GALC: variants seen among roughly 807,000 people sequenced by gnomAD.
The protein encoded by GALC is galactocerebrosidase.
A neutral mutation model predicts 91.8 loss-of-function variants in GALC; 77 were observed. That is an observed-to-expected ratio of 0.84 (90% CI 0.70 to 1.01). The LOEUF (loss-of-function observed/expected upper bound fraction) is 1.01. Among genes scored for constraint, GALC ranks in the 50% least tolerant of loss-of-function variants. The probability of loss-of-function intolerance (pLI) is 0.00; values close to 1 mark genes in which losing one functional copy is unlikely to be tolerated. For synonymous variants in GALC, 357 were observed against 306.7 expected (o/e 1.16, Z -1.71); for missense variants, 882 against 855.9 (o/e 1.03, Z -0.38).
At chr14:87,957,877 T>A (rs928520863) in intron 10 of GALC, among the ~76,000 whole-genome samples, 2 of 152,004 alleles carry the variant, frequency 1.3e-5, no homozygotes, top group Non-Finnish European at 2.9e-5. Context: ...CACATGGAAA[T>A]ACATCCCATG....
chr14:87,953,408 A>C (rs1885391322), intron 10 of GALC: 1 of 1,460,218 alleles, frequency 6.8e-7, no homozygotes, highest in South Asian at 1.1e-5. Flanking sequence ...GGACAAAACC[A>C]AGCATATTCT....
Position 87,993,177 on chromosome 14 carries a change from A to C in GALC, c.-13T>G. The C allele has an allele frequency of 6.3e-7, 1 of 1,581,752 alleles. No homozygotes were observed. Among genetic ancestry groups the C allele is most frequent in the African/African-American group, 1.3e-5 (1 of 74,632 alleles). Reference sequence around the variant, plus strand: ...GCCACTCAGCCATTGTGTGGGTCACATGACTCCGGCGCCCAGGGAGGCGGG... The same window carrying C: ...GCCACTCAGCCATTGTGTGGGTCACCTGACTCCGGCGCCCAGGGAGGCGGG... On this transcript the variant is annotated 5_prime_UTR_variant, in exon 1 of 17. An upstream start codon of the reference 5' UTR is lost. Coordinates refer to ENST00000261304, the MANE Select transcript of GALC (RefSeq NM_000153.4).
At chr14:87,977,350 C>T (rs994310749) in intron 6 of GALC, among the ~76,000 whole-genome samples, 1 of 152,122 alleles carries the variant, frequency 6.6e-6, no homozygotes, top group Non-Finnish European at 1.5e-5. Flanking sequence ...CTTTACTACT[C>T]AGTACTATGC....
intron 10 of GALC, among the ~76,000 whole-genome samples, chr14:87,957,638 T>C (rs1299916697): frequency 2.0e-5 from 3 of 152,122 alleles, no homozygotes; most frequent in Non-Finnish European, 2.9e-5. Context: ...ATCTGATAAA[T>C]GAATTCAGTA....
intron 15 of GALC, among the ~76,000 whole-genome samples, chr14:87,941,090 C>A (rs887155130): frequency 6.6e-6 from 1 of 151,962 alleles, no homozygotes; most frequent in Non-Finnish European, 1.5e-5. Flanking sequence ...CTCCCTACCA[C>A]CACTACCTCA....
intron 10 of GALC, 77 bp downstream of exon 10, chr14:87,963,307 A>G: frequency 6.9e-7 from 1 of 1,450,204 alleles, no homozygotes; most frequent in Non-Finnish European, 9.7e-7. Flanking sequence ...CATGTAAAAC[A>G]AAAGTATTCA....
intron 7 of GALC, among the ~76,000 whole-genome samples, chr14:87,970,671 T>G (rs1347141991): frequency 2.0e-5 from 3 of 148,134 alleles, no homozygotes; most frequent in Non-Finnish European, 4.5e-5. Context: ...CCATCCTGGC[T>G]AACATGGTGA....
At chr14:87,968,591 G>A in intron 7 of GALC, 101 bp from the exon 8 acceptor site, 1 of 1,164,648 alleles carries the variant, frequency 8.6e-7, no homozygotes, top group Non-Finnish European at 1.3e-6. Flanking sequence ...TCTTCTCCAA[G>A]GTTTTCTATT....
rs1337518083 is a variant in GALC, at chr14:87,965,556, G to A, written c.982C>T (p.Gln328Ter). 10 of 1,613,310 alleles carry A rather than the reference G, an allele frequency of 6.2e-6. No homozygotes were observed. Among genetic ancestry groups the A allele is most frequent in the Non-Finnish European group, 7.6e-6 (9 of 1,179,614 alleles). The change falls in exon 9 of 17, where the codon CAG (glutamine) becomes TAG (stop). Residue 328 changes from glutamine to a stop codon, truncating the protein, a stop_gained. Transcript: ENST00000261304. LOFTEE classifies it high-confidence loss of function. ...ACGTAGTGCCCACTCCATGGCTCCT[G>A]GGCCGTCATCAACCCGCATCTCCCA... ...PYGRCGLMTA[Q>*]EPWSGHYVVE...
At position 87,993,055 on chromosome 14, in the gene GALC, AG is replaced by A; in HGVS notation, c.109del (p.Leu37TrpfsTer35). On this transcript the variant is annotated frameshift_variant, in exon 1 of 17. Coordinates refer to ENST00000261304, the MANE Select transcript of GALC (RefSeq NM_000153.4). LOFTEE classifies it high-confidence loss of function. ...AAVPLLLCAL[L>X]APGGAYVLDD... ...GAGCACGTACGCGCCGCCGGGCGCCAGCAGCGCACACAGCAGCAAGGGCACC... is the reference window on the plus strand; with the variant it reads ...GAGCACGTACGCGCCGCCGGGCGCCACAGCGCACACAGCAGCAAGGGCACC... 6.4e-7 allele frequency: 1 copy of A among 1,564,996 alleles called. No homozygotes were observed. Among genetic ancestry groups the A allele is most frequent in the East Asian group, 2.4e-5 (1 of 42,024 alleles).
intron 3 of GALC, chr14:87,986,945 T>A: frequency 2.3e-6 from 1 of 438,214 alleles, no homozygotes; most frequent in Admixed American, 2.9e-5. Flanking sequence ...CAAATCCCCA[T>A]GTCCAACTTT....
chr14:87,947,578 T>A (rs938786195), intron 13 of GALC, 150 bp downstream of exon 13: 19 of 746,728 alleles, frequency 2.5e-5, no homozygotes, highest in Non-Finnish European at 3.7e-5. Flanking sequence ...ATGCAAAAAA[T>A]TAGCCCTCCT....
In GALC at chr14:87,988,461, G is replaced by C. The variant is rs375382346; in HGVS notation, c.258C>G (p.Leu86=). 1 of 1,591,426 alleles carries C rather than the reference G, an allele frequency of 6.3e-7. No individual in the cohort carries two copies. Among genetic ancestry groups the C allele is most frequent in the East Asian group, 2.2e-5 (1 of 44,788 alleles). Residue 86 remains leucine (L), a synonymous_variant, in exon 2 of 17, where the codon CTC becomes CTG. Transcript: ENST00000261304. Reference sequence around the variant, plus strand: ...ATAATTATGTTTTCATTACCTTAAAGAGATAATCCAATATCTGAGAACGAT... The same window carrying C: ...ATAATTATGTTTTCATTACCTTAAACAGATAATCCAATATCTGAGAACGAT... ...EPYRSQILDY[L]FKPNFGASLH... is the part of the protein sequence containing the mutation.
chr14:87,977,709 GCT>G (rs1470079338), intron 6 of GALC, among the ~76,000 whole-genome samples: 2 of 152,146 alleles, frequency 1.3e-5, no homozygotes, highest in Non-Finnish European at 2.9e-5. Context: ...AATTTCACAA[GCT>G]CTCTCTTCAC....
intron 8 of GALC, among the ~76,000 whole-genome samples, chr14:87,968,030 C>T (rs897622624): frequency 2.6e-5 from 4 of 152,238 alleles, no homozygotes; most frequent in South Asian, 4.1e-4. Flanking sequence ...AGTGTCCTTA[C>T]ATATACTATT....
intron 4 of GALC, 65 bp downstream of exon 4, chr14:87,986,424 A>G: frequency 3.0e-6 from 3 of 995,722 alleles, no homozygotes; most frequent in Non-Finnish European, 4.7e-6. Context: ...TTCCACCAAC[A>G]CGATTCAGAA....
Position 87,976,481 on chromosome 14 carries a change from C to T in GALC, c.629G>A (p.Arg210Lys). 2 of 1,612,168 alleles carry T rather than the reference C, an allele frequency of 1.2e-6. No individual in the cohort carries two copies. Among genetic ancestry groups the T allele is most frequent in the Non-Finnish European group, 1.7e-6 (2 of 1,178,316 alleles). The change falls in exon 7 of 17, where the codon AGA becomes AAA. Residue 210 changes from arginine to lysine, a missense_variant. By Grantham distance (26) the Arg-to-Lys change is conservative (BLOSUM62 2). Transcript: ENST00000261304. The stretch of plus-strand genomic sequence containing the variant: ...GAGACCTTGATAATTCAGCATTTTT[C>T]TTAATATCTTTTGGAGTAAGAAACA... ...SYNANYIKIL[R>K]KMLNYQGLQR...
At chr14:87,950,390 C>T (rs2139962680) in intron 11 of GALC, among the ~76,000 whole-genome samples, 1 of 151,654 alleles carries the variant, frequency 6.6e-6, no homozygotes, top group East Asian at 1.9e-4. Context: ...TTCCCTAGAC[C>T]ATAAAATGCT....
chr14:87,956,829 G>A (rs1595206179), intron 10 of GALC, among the ~76,000 whole-genome samples: 1 of 151,792 alleles, frequency 6.6e-6, no homozygotes. Flanking sequence ...TTAGTTCTTT[G>A]ATAAATCTCC....
Sources: allele counts gnomAD v4.1 joint callset (sites outside exome capture counted in the v4.1 genomes callset), GRCh38; gene constraint gnomAD v4.1.1; transcripts MANE v1.5; gene names NCBI Gene and HGNC (gene_info 2026-07-23, HGNC 2026-07-21).